Variants in PDE1A observed in about 807,000 individuals in gnomAD.
PDE1A encodes phosphodiesterase 1A.
In PDE1A, 35 loss-of-function variants were observed where a neutral mutation model predicts 61.7. The ratio of observed to expected loss-of-function variants is 0.57; its 90% CI spans 0.43 to 0.75. The LOEUF (loss-of-function observed/expected upper bound fraction) is 0.75, where lower values mean the gene tolerates loss of function less well. Ranked by LOEUF, PDE1A falls within the 30% of genes least tolerant of loss-of-function variation. PDE1A has a pLI of 0.00. For missense variants in PDE1A, 597 were observed against 630.6 expected, an observed-to-expected ratio of 0.95 and a Z score of 0.57; for synonymous variants, 232 against 213.2, an observed-to-expected ratio of 1.09 and a Z score of -0.77.
chr2:182,317,709 C>T (rs766826699), intron 1 of PDE1A, among the ~76,000 whole-genome samples: 4 of 152,126 alleles, frequency 2.6e-5, no homozygotes, highest in East Asian at 1.9e-4. Flanking sequence ...AGTGTGGTAA[C>T]GGGGCAGGGA....
intron 1 of PDE1A, among the ~76,000 whole-genome samples, chr2:182,372,719 C>T (rs1700185164): frequency 6.6e-6 from 1 of 152,248 alleles, no homozygotes; most frequent in African/African-American, 2.4e-5. Context: ...ACTAGAGAAC[C>T]AATCTAAGGG....
At chr2:182,493,485 A>G (rs976822046) in intron 2 of PDE1A, among the ~76,000 whole-genome samples, 2 of 152,022 alleles carry the variant, frequency 1.3e-5, no homozygotes, top group Non-Finnish European at 2.9e-5. Flanking sequence ...CCTGTATCCA[A>G]GTGTTCTCAT....
chr2:182,663,073 T>G, the PDE1A span, among the ~76,000 whole-genome samples: 3 of 151,994 alleles, frequency 2.0e-5, no homozygotes, highest in South Asian at 6.2e-4. Flanking sequence ...AATGACCATA[T>G]GAAAAAAAGG....
exon 9 of PDE1A, chr2:182,201,702 C>T (rs759710458): frequency 6.2e-7 from 1 of 1,603,452 alleles, no homozygotes; most frequent in Admixed American, 1.7e-5. Context: ...CAGGCTGCTG[C>T]AAACTGTTTC....
At chr2:182,626,870 TAC>T in the PDE1A span, among the ~76,000 whole-genome samples, 1 of 50,190 alleles carries the variant, frequency 2.0e-5, no homozygotes, top group Non-Finnish European at 3.7e-5. Context: ...CATATATATA[TAC>T]ATATATATAT....
intron 2 of PDE1A, among the ~76,000 whole-genome samples, chr2:182,454,478 A>G (rs1229779947): frequency 6.6e-6 from 1 of 152,150 alleles, no homozygotes; most frequent in African/African-American, 2.4e-5. Flanking sequence ...CTAAGCCAAA[A>G]GAACAAAGCC....
intron 1 of PDE1A, among the ~76,000 whole-genome samples, chr2:182,293,540 CT>C (rs1224106488): frequency 6.6e-6 from 1 of 151,988 alleles, no homozygotes; most frequent in African/African-American, 2.4e-5. Flanking sequence ...TCACATGCAA[CT>C]TCCACGTACA....
chr2:182,692,427 C>A, the PDE1A span, among the ~76,000 whole-genome samples: 1 of 151,840 alleles, frequency 6.6e-6, no homozygotes, highest in East Asian at 1.9e-4. Context: ...GGATAAAAAA[C>A]CAAACACCCC....
At chr2:182,323,210 G>T (rs1696812661) in intron 1 of PDE1A, among the ~76,000 whole-genome samples, 1 of 152,092 alleles carries the variant, frequency 6.6e-6, no homozygotes. Flanking sequence ...ATAAAGGACA[G>T]AAAAACATAC....
At chr2:182,390,509 G>T (rs1322919961) in intron 1 of PDE1A, among the ~76,000 whole-genome samples, 3 of 152,144 alleles carry the variant, frequency 2.0e-5, no homozygotes, top group African/African-American at 7.2e-5. Flanking sequence ...ATAAAGTGAC[G>T]AAAGAAAACA....
intron 1 of PDE1A, among the ~76,000 whole-genome samples, chr2:182,345,579 C>G (rs1402108102): frequency 6.6e-6 from 1 of 152,132 alleles, no homozygotes; most frequent in Non-Finnish European, 1.5e-5. Context: ...CTCCTCTCCT[C>G]CCACGCCTCC....
chr2:182,547,797 T>C, the PDE1A span, among the ~76,000 whole-genome samples: 2 of 152,352 alleles, frequency 1.3e-5, no homozygotes, highest in African/African-American at 4.8e-5. Context: ...TAAATACTAA[T>C]ATATTTATCA....
chr2:182,507,646 G>T (rs1439916922), intron 2 of PDE1A, among the ~76,000 whole-genome samples: 3 of 152,090 alleles, frequency 2.0e-5, no homozygotes, highest in Non-Finnish European at 4.4e-5. Flanking sequence ...AGGAAATCAT[G>T]AATAAATTGG....
chr2:182,354,725 G>A (rs565385785), intron 1 of PDE1A, among the ~76,000 whole-genome samples: 3 of 152,176 alleles, frequency 2.0e-5, no homozygotes, highest in Non-Finnish European at 2.9e-5. Flanking sequence ...ATATTTAAAG[G>A]TGGACATTTA....
chr2:182,596,880 G>A, the PDE1A span, among the ~76,000 whole-genome samples: 474 of 152,276 alleles, frequency 3.1e-3, 2 homozygotes, highest in African/African-American at 0.011. Flanking sequence ...ACTGCCAGGC[G>A]CAATGGCTCA....
chr2:182,322,247 G>A (rs908824149), intron 1 of PDE1A, among the ~76,000 whole-genome samples: 5 of 152,142 alleles, frequency 3.3e-5, no homozygotes, highest in Non-Finnish European at 7.3e-5. Flanking sequence ...GAATCAACTC[G>A]AGACTTCATA....
At chr2:182,600,255 T>G in the PDE1A span, among the ~76,000 whole-genome samples, 1 of 152,248 alleles carries the variant, frequency 6.6e-6, no homozygotes, top group African/African-American at 2.4e-5. Context: ...TGCAGAATAT[T>G]CATTTTCTGA....
At chr2:182,402,903 T>G (rs1412149785) in intron 1 of PDE1A, among the ~76,000 whole-genome samples, 1 of 152,136 alleles carries the variant, frequency 6.6e-6, no homozygotes, top group African/African-American at 2.4e-5. Context: ...GACATTTATG[T>G]TGCCAACAAA....
At chr2:182,630,065 CTCA>C in the PDE1A span, among the ~76,000 whole-genome samples, 1 of 152,084 alleles carries the variant, frequency 6.6e-6, no homozygotes, top group Non-Finnish European at 1.5e-5. Context: ...GGATGATCTC[CTCA>C]TCATTTGTAA....
Sources: gnomAD v4.1 joint callset for allele counts (sites outside exome capture counted in the v4.1 genomes callset) on GRCh38, gnomAD v4.1.1 for gene constraint, MANE v1.5 for transcripts, NCBI Gene and HGNC (gene_info 2026-07-23, HGNC 2026-07-21) for gene names.